Variants in ENTREP2 observed in about 807,000 individuals in gnomAD.
ENTREP2 encodes endosomal transmembrane epsin interactor 2, also known as protein ENTREP2.
chr15:29,586,070 T>C, the ENTREP2 span, among the ~76,000 whole-genome samples: 1,439 of 152,310 alleles, frequency 9.4e-3, 12 homozygotes, highest in Non-Finnish European at 0.015. Context: ...ACAACCTATA[T>C]ATCCCTCAAC....
At chr15:29,222,226 A>T in the ENTREP2 span, among the ~76,000 whole-genome samples, 2 of 152,226 alleles carry the variant, frequency 1.3e-5, no homozygotes, top group African/African-American at 4.8e-5. Context: ...TCTCTGGGTC[A>T]TCCTCACTGC....
chr15:29,189,420 C>CT, the ENTREP2 span, among the ~76,000 whole-genome samples: 182 of 142,624 alleles, frequency 1.3e-3, 2 homozygotes, highest in African/African-American at 1.3e-3. Context: ...AATTGTCTTG[C>CT]TTTTTTTTTT....
the ENTREP2 span, among the ~76,000 whole-genome samples, chr15:29,657,319 C>G: frequency 2.0e-5 from 3 of 151,828 alleles, no homozygotes; most frequent in African/African-American, 7.3e-5. Context: ...CTCAGCCTCC[C>G]AAAGCGCCCA....
chr15:29,427,162 ATATAC>A, the ENTREP2 span, among the ~76,000 whole-genome samples: 1 of 152,170 alleles, frequency 6.6e-6, no homozygotes, highest in South Asian at 2.1e-4. Context: ...CACTGAGTAT[ATATAC>A]TATTAATTGC....
At chr15:29,253,518 T>C in the ENTREP2 span, among the ~76,000 whole-genome samples, 5 of 150,830 alleles carry the variant, frequency 3.3e-5, no homozygotes, top group East Asian at 2.0e-4. Flanking sequence ...TCTCGGCTCA[T>C]TGCAACCTCT....
the ENTREP2 span, among the ~76,000 whole-genome samples, chr15:29,408,235 G>A: frequency 6.6e-6 from 1 of 152,116 alleles, no homozygotes; most frequent in African/African-American, 2.4e-5. Context: ...AGGGGATCCA[G>A]CAGTTTAAAA....
the ENTREP2 span, among the ~76,000 whole-genome samples, chr15:29,171,289 A>G: frequency 7.2e-4 from 109 of 152,294 alleles, no homozygotes; most frequent in Non-Finnish European, 1.3e-3. Flanking sequence ...AACCATCCGA[A>G]ACACCATTAG....
the ENTREP2 span, among the ~76,000 whole-genome samples, chr15:29,387,350 G>T: frequency 6.6e-6 from 1 of 152,112 alleles, no homozygotes; most frequent in Non-Finnish European, 1.5e-5. Context: ...GCCAAATCAT[G>T]AGTGAACTCC....
At chr15:29,203,131 G>A in the ENTREP2 span, among the ~76,000 whole-genome samples, 228 of 152,278 alleles carry the variant, frequency 1.5e-3, 2 homozygotes, top group African/African-American at 5.0e-3. Context: ...GGCCGGGCAC[G>A]GTGGCTCACG....
chr15:29,618,172 C>G, the ENTREP2 span, among the ~76,000 whole-genome samples: 3 of 152,136 alleles, frequency 2.0e-5, no homozygotes, highest in Non-Finnish European at 4.4e-5. Flanking sequence ...GCCTGTAATT[C>G]CAGCACTTTG....
the ENTREP2 span, among the ~76,000 whole-genome samples, chr15:29,655,884 G>A: frequency 6.6e-6 from 1 of 151,972 alleles, no homozygotes; most frequent in African/African-American, 2.4e-5. Flanking sequence ...AATTAGCTGG[G>A]TGCAGCGGTG....
the ENTREP2 span, among the ~76,000 whole-genome samples, chr15:29,644,292 A>G: frequency 2.4e-4 from 37 of 152,300 alleles, 1 homozygote; most frequent in South Asian, 7.3e-3. Context: ...GGACAATGAC[A>G]AAGGGGTGCA....
the ENTREP2 span, among the ~76,000 whole-genome samples, chr15:29,648,090 A>ACAT: frequency 0.14 from 21,540 of 152,026 alleles, 2,918 homozygotes; most frequent in African/African-American, 0.36. Flanking sequence ...CTCCACCTGA[A>ACAT]CATCATCATC....
At chr15:29,372,308 AT>A in the ENTREP2 span, among the ~76,000 whole-genome samples, 8 of 152,136 alleles carry the variant, frequency 5.3e-5, no homozygotes, top group Admixed American at 3.3e-4. Flanking sequence ...TAGTAAATAC[AT>A]TTTCTATTTC....
At chr15:29,227,977 G>A in the ENTREP2 span, among the ~76,000 whole-genome samples, 2 of 131,766 alleles carry the variant, frequency 1.5e-5, no homozygotes, top group African/African-American at 5.1e-5. Flanking sequence ...AAAACTTGCC[G>A]ATGAGAAAAA....
chr15:29,127,487 T>G, the ENTREP2 span, among the ~76,000 whole-genome samples: 1 of 152,138 alleles, frequency 6.6e-6, no homozygotes, highest in Non-Finnish European at 1.5e-5. Flanking sequence ...CACCTCCCAC[T>G]TCATCCTTCC....
chr15:29,627,988 A>G, the ENTREP2 span, among the ~76,000 whole-genome samples: 1 of 152,184 alleles, frequency 6.6e-6, no homozygotes, highest in Non-Finnish European at 1.5e-5. Flanking sequence ...CATTCCGTGT[A>G]AGTATATACC....
the ENTREP2 span, among the ~76,000 whole-genome samples, chr15:29,170,690 G>C: frequency 6.6e-6 from 1 of 152,108 alleles, no homozygotes; most frequent in African/African-American, 2.4e-5. Flanking sequence ...ACCATGTGAG[G>C]ACACAGTGAC....
chr15:29,222,749 C>T, the ENTREP2 span, among the ~76,000 whole-genome samples: 40 of 152,278 alleles, frequency 2.6e-4, no homozygotes, highest in Admixed American at 3.3e-4. Flanking sequence ...CCCTGCAGGG[C>T]CACCAGCTCC....
Sources: allele counts gnomAD v4.1 joint callset (sites outside exome capture counted in the v4.1 genomes callset), GRCh38; gene constraint gnomAD v4.1.1; transcripts MANE v1.5; gene names NCBI Gene and HGNC (gene_info 2026-07-23, HGNC 2026-07-21).